ATP13A5: variants seen among roughly 807,000 people sequenced by gnomAD.
ATP13A5 encodes the protein probable cation-transporting ATPase 13A5.
Under a neutral mutation model 150.2 loss-of-function variants are expected in ATP13A5, and 149 were observed. That is an observed-to-expected ratio of 0.99 (90% CI 0.87 to 1.14). The LOEUF is 1.14. Among genes scored for constraint, ATP13A5 ranks in the 50% most tolerant of loss-of-function variants. ATP13A5 has a pLI of 0.00. For missense variants in ATP13A5, 1,383 were observed against 1,449.3 expected (o/e 0.95, Z 0.74); for synonymous variants, 497 against 522.2 (o/e 0.95, Z 0.66).
At chr3:193,336,876 C>T (rs1437561111) in intron 9 of ATP13A5, among the ~76,000 whole-genome samples, 4 of 152,196 alleles carry the variant, frequency 2.6e-5, no homozygotes, top group African/African-American at 7.2e-5. Flanking sequence ...GTTCCTATTT[C>T]TCCACATCCT....
chr3:193,314,922 T>C, intron 18 of ATP13A5, 50 bp downstream of exon 18: 1 of 1,598,108 alleles, frequency 6.3e-7, no homozygotes, highest in Non-Finnish European at 8.5e-7. Context: ...ATCTTGTTCT[T>C]ATGCCTAGGA....
At chr3:193,289,435 C>T (rs1249981423) in intron 26 of ATP13A5, among the ~76,000 whole-genome samples, 2 of 152,114 alleles carry the variant, frequency 1.3e-5, no homozygotes, top group Non-Finnish European at 2.9e-5. Context: ...AAATCTGATT[C>T]ATCACCTGAT....
intron 9 of ATP13A5, among the ~76,000 whole-genome samples, chr3:193,343,091 G>A (rs1416801263): frequency 6.6e-6 from 1 of 152,066 alleles, no homozygotes; most frequent in Non-Finnish European, 1.5e-5. Flanking sequence ...ACAATTTAGG[G>A]ATAGATAATG....
intron 23 of ATP13A5, among the ~76,000 whole-genome samples, chr3:193,305,307 A>G (rs1376775031): frequency 6.6e-6 from 1 of 152,182 alleles, no homozygotes; most frequent in African/African-American, 2.4e-5. Flanking sequence ...TTAGTTTTAA[A>G]ACATCAAGTC....
At chr3:193,276,907 T>C in intron 28 of ATP13A5, 77 bp from the exon 29 acceptor site, 1 of 1,077,500 alleles carries the variant, frequency 9.3e-7, no homozygotes, top group South Asian at 1.5e-5. Flanking sequence ...TTATTTAATT[T>C]ATAGATTTGT....
chr3:193,299,238 A>G, intron 24 of ATP13A5, 35 bp from the exon 25 acceptor site: 7 of 1,509,942 alleles, frequency 4.6e-6, no homozygotes, highest in Non-Finnish European at 6.4e-6. Context: ...TAAATGTGGC[A>G]TCTGCCATCA....
At chr3:193,363,196 C>T in intron 3 of ATP13A5, 40 bp downstream of exon 3, 1 of 1,569,100 alleles carries the variant, frequency 6.4e-7, no homozygotes, top group East Asian at 2.3e-5. Context: ...TATGCTTTCT[C>T]TGTAAACATG....
At chr3:193,352,516 G>GGGCTAGTA (rs2108891765) in intron 6 of ATP13A5, among the ~76,000 whole-genome samples, 1 of 151,478 alleles carries the variant, frequency 6.6e-6, no homozygotes, top group African/African-American at 2.4e-5. Flanking sequence ...TTCTACTAAA[G>GGGCTAGTA]GGCTAGTAAA....
chr3:193,333,722 A>G, intron 11 of ATP13A5, 28 bp downstream of exon 11: 1 of 1,603,272 alleles, frequency 6.2e-7, no homozygotes, highest in Non-Finnish European at 8.5e-7. Context: ...AATCTATACT[A>G]TTGAAAAGCC....
intron 1 of ATP13A5, among the ~76,000 whole-genome samples, chr3:193,378,030 C>T (rs1713703386): frequency 1.3e-5 from 2 of 151,874 alleles, no homozygotes; most frequent in Admixed American, 1.3e-4. Flanking sequence ...ACCTCAGCAC[C>T]AAATAAACAC....
chr3:193,371,461 G>T (rs138026706), intron 1 of ATP13A5, among the ~76,000 whole-genome samples: 98 of 152,254 alleles, frequency 6.4e-4, no homozygotes, highest in Non-Finnish European at 1.2e-3. Flanking sequence ...TTATGGGTTG[G>T]GTATTCAGTT....
chr3:193,298,896 T>C (rs753643032), intron 25 of ATP13A5, among the ~76,000 whole-genome samples: 1 of 152,194 alleles, frequency 6.6e-6, no homozygotes, highest in Non-Finnish European at 1.5e-5. Context: ...ACAAAGAACT[T>C]GGACTACGTT....
At chr3:193,362,101 T>A (rs1445098505) in intron 5 of ATP13A5, among the ~76,000 whole-genome samples, 1 of 152,176 alleles carries the variant, frequency 6.6e-6, no homozygotes, top group East Asian at 1.9e-4. Flanking sequence ...GACTCAAGAT[T>A]TTTTTAAGAA....
intron 20 of ATP13A5, 74 bp downstream of exon 20, chr3:193,311,742 T>G: frequency 6.3e-7 from 1 of 1,575,506 alleles, no homozygotes; most frequent in South Asian, 1.2e-5. Context: ...GATCACTGTT[T>G]TCAATACTCT....
chr3:193,365,537 A>G (rs754274016), intron 1 of ATP13A5, among the ~76,000 whole-genome samples: 7 of 152,094 alleles, frequency 4.6e-5, no homozygotes, highest in Non-Finnish European at 1.0e-4. Flanking sequence ...AACCTGCTTT[A>G]GTTTTATTTG....
At chr3:193,315,181 A>G in intron 17 of ATP13A5, 85 bp from the exon 18 acceptor site, 1 of 1,373,482 alleles carries the variant, frequency 7.3e-7, no homozygotes, top group Non-Finnish European at 9.8e-7. Context: ...AAAATTTATA[A>G]GTTTTATTAA....
Position 193,363,394 on chromosome 3 carries a change from A to T in ATP13A5, c.238-12T>A, listed in dbSNP as rs377320961. 1.2e-6 allele frequency: 2 copies of T among 1,606,658 alleles called. No individual in the cohort carries two copies. Among genetic ancestry groups the T allele is most frequent in the Non-Finnish European group, 1.7e-6 (2 of 1,175,916 alleles). On this transcript the variant is annotated splice_polypyrimidine_tract_variant and intron_variant, in intron 2 of 29. Coordinates refer to ENST00000342358, the MANE Select transcript of ATP13A5 (RefSeq NM_198505.4). ...CTTTGAAATTCGTCCTGGAAAAGAC[A>T]ATCCAGTTCATGAAATTCTCAAGTG...
chr3:193,319,850 C>A (rs1367783245), intron 16 of ATP13A5, among the ~76,000 whole-genome samples: 3 of 152,190 alleles, frequency 2.0e-5, no homozygotes, highest in Non-Finnish European at 4.4e-5. Context: ...TGAAACACAG[C>A]CATGCCCATT....
At chr3:193,307,171 G>T (rs756995156) in intron 22 of ATP13A5, 156 bp downstream of exon 22, 1 of 1,481,604 alleles carries the variant, frequency 6.7e-7, no homozygotes, top group East Asian at 2.5e-5. Flanking sequence ...ACTCCCCTCC[G>T]CTTCCAACCC....
Sources: allele counts gnomAD v4.1 joint callset (sites outside exome capture counted in the v4.1 genomes callset), GRCh38; gene constraint gnomAD v4.1.1; transcripts MANE v1.5; gene names NCBI Gene and HGNC (gene_info 2026-07-23, HGNC 2026-07-21).